BICC1: variants seen among roughly 807,000 people sequenced by gnomAD.
The protein encoded by BICC1 is BicC family RNA binding protein 1.
Under a neutral mutation model 111.0 loss-of-function variants are expected in BICC1, and 43 were observed. That is an observed-to-expected ratio of 0.39 (90% CI 0.30 to 0.50). The LOEUF is 0.50. Among genes scored for constraint, BICC1 ranks in the 20% least tolerant of loss-of-function variants. The pLI is 0.88. For synonymous variants in BICC1, 467 were observed against 434.4 expected (o/e 1.07, Z -0.93); for missense variants, 1,091 against 1,203.2 (o/e 0.91, Z 1.38).
At chr10:58,553,133 G>A (rs559330536) in intron 1 of BICC1, among the ~76,000 whole-genome samples, 1 of 152,090 alleles carries the variant, frequency 6.6e-6, no homozygotes, top group African/African-American at 2.4e-5. Flanking sequence ...AGATGTAGTG[G>A]TGGAGAGAAG....
intron 3 of BICC1, among the ~76,000 whole-genome samples, chr10:58,772,404 A>T (rs1021566031): frequency 3.3e-5 from 5 of 152,138 alleles, no homozygotes; most frequent in African/African-American, 1.2e-4. Flanking sequence ...GGAAGTAATG[A>T]TTATCTCAAA....
chr10:58,649,235 C>T (rs971206339), intron 2 of BICC1, among the ~76,000 whole-genome samples: 15 of 152,148 alleles, frequency 9.9e-5, no homozygotes, highest in African/African-American at 3.6e-4. Flanking sequence ...GAGTTTCTTT[C>T]CCTGGTTGCA....
rs528043440 is a variant in BICC1, at chr10:58,627,626, G to A, written c.237+6725G>A. On this transcript the variant is annotated intron_variant, in intron 2 of 20. Transcript: ENST00000373886. ...GTCAGAAGCAACTTTTGAAGAGGGT[G>A]GCATTAGCTGTTTGTGAGGAAGGAG... Among the ~76,000 whole-genome samples the A allele has an allele frequency of 6.0e-4, 91 of 152,120 alleles. No homozygotes were observed. In the South Asian group the frequency reaches 0.018, roughly 30 times the overall value.
chr10:58,565,510 T>C (rs1382438498), intron 1 of BICC1, among the ~76,000 whole-genome samples: 1 of 152,174 alleles, frequency 6.6e-6, no homozygotes, highest in Admixed American at 6.5e-5. Context: ...GAGCAGACCA[T>C]CTCTCATCCT....
At chr10:58,554,378 T>G (rs1183020682) in intron 1 of BICC1, among the ~76,000 whole-genome samples, 1 of 152,148 alleles carries the variant, frequency 6.6e-6, no homozygotes, top group Non-Finnish European at 1.5e-5. Context: ...ATGGGAGAAT[T>G]TCAGGCTTTT....
intron 20 of BICC1, 95 bp downstream of exon 20, chr10:58,820,563 T>A (rs1844224324): frequency 1.2e-6 from 1 of 835,136 alleles, no homozygotes; most frequent in Non-Finnish European, 2.0e-6. Flanking sequence ...ACTGCTGGCT[T>A]ACTAACCTAA....
chr10:58,633,977 C>CTTTTTTTTTTCTTTTT (rs1837873528), intron 2 of BICC1, among the ~76,000 whole-genome samples: 1 of 138,170 alleles, frequency 7.2e-6, no homozygotes, highest in East Asian at 2.1e-4. Context: ...TTTTCTTTTT[C>CTTTTTTTTTTCTTTTT]TTTTTTTTTT....
At chr10:58,678,088 A>G (rs896597772) in intron 2 of BICC1, among the ~76,000 whole-genome samples, 3 of 152,228 alleles carry the variant, frequency 2.0e-5, no homozygotes, top group African/African-American at 7.2e-5. Context: ...CTGCAAAAAC[A>G]TACCAAATTA....
intron 2 of BICC1, among the ~76,000 whole-genome samples, chr10:58,653,848 C>T (rs1459631298): frequency 7.6e-6 from 1 of 131,176 alleles, no homozygotes; most frequent in Non-Finnish European, 1.6e-5. Flanking sequence ...CACCCCACCA[C>T]AGTCCTCAGA....
chr10:58,529,868 C>T (rs1306571466), intron 1 of BICC1, among the ~76,000 whole-genome samples: 1 of 151,680 alleles, frequency 6.6e-6, no homozygotes, highest in Non-Finnish European at 1.5e-5. Flanking sequence ...TTGACCAAGT[C>T]TAAAAACTGG....
chr10:58,777,361 T>C (rs1480514213), intron 3 of BICC1, among the ~76,000 whole-genome samples: 2 of 152,132 alleles, frequency 1.3e-5, no homozygotes, highest in African/African-American at 4.8e-5. Flanking sequence ...CCAGCATCCT[T>C]GTATTTTAAA....
chr10:58,771,057 G>T (rs534805394), intron 3 of BICC1, among the ~76,000 whole-genome samples: 4 of 152,072 alleles, frequency 2.6e-5, no homozygotes, highest in Non-Finnish European at 5.9e-5. Context: ...TATTTCTATG[G>T]ACACCTACTT....
intron 1 of BICC1, among the ~76,000 whole-genome samples, chr10:58,542,142 C>T (rs1366348371): frequency 2.2e-5 from 3 of 134,174 alleles, no homozygotes; most frequent in Non-Finnish European, 4.7e-5. Context: ...CAGAGCAAGA[C>T]CCTGTCTCAA....
At chr10:58,754,837 GAGGA>G (rs1187781230) in intron 3 of BICC1, among the ~76,000 whole-genome samples, 1 of 152,066 alleles carries the variant, frequency 6.6e-6, no homozygotes, top group African/African-American at 2.4e-5. Flanking sequence ...TGAGAAGACA[GAGGA>G]AGGCTGAGAA....
In BICC1 at chr10:58,828,923, A is replaced by T. The variant is rs779127219; in HGVS notation, c.*32A>T. On this transcript the variant is annotated 3_prime_UTR_variant, in exon 21 of 21. Transcript: ENST00000373886. ...CCTCTTGGCACATGCCCGCTGACTAACTGTAAAGTGGACACAGGAGATGTA... is the reference window on the plus strand; with the variant it reads ...CCTCTTGGCACATGCCCGCTGACTATCTGTAAAGTGGACACAGGAGATGTA... The T allele has an allele frequency of 5.6e-5, 90 of 1,612,232 alleles. No individual in the cohort carries two copies. Among genetic ancestry groups the T allele is most frequent in the Non-Finnish European group, 7.0e-5 (82 of 1,179,092 alleles).
intron 3 of BICC1, among the ~76,000 whole-genome samples, chr10:58,780,500 T>C (rs536384235): frequency 5.2e-4 from 79 of 152,306 alleles, no homozygotes; most frequent in African/African-American, 1.8e-3. Flanking sequence ...AGATTTTTGA[T>C]GAAAGATTGG....
At chr10:58,682,993 T>A (rs1254476920) in intron 2 of BICC1, among the ~76,000 whole-genome samples, 1 of 152,236 alleles carries the variant, frequency 6.6e-6, no homozygotes, top group East Asian at 1.9e-4. Flanking sequence ...CTAGGTTTTC[T>A]TCTAGGGTTT....
At chr10:58,667,731 C>CT (rs1373154650) in intron 2 of BICC1, among the ~76,000 whole-genome samples, 1 of 152,026 alleles carries the variant, frequency 6.6e-6, no homozygotes, top group Non-Finnish European at 1.5e-5. Flanking sequence ...TCACTTGAGT[C>CT]TATTTATTTT....
chr10:58,605,489 A>T (rs1051063162), intron 1 of BICC1, among the ~76,000 whole-genome samples: 2 of 152,218 alleles, frequency 1.3e-5, no homozygotes, highest in East Asian at 3.8e-4. Context: ...TAGCTTAATC[A>T]ATATTCAGTG....
Sources: allele counts gnomAD v4.1 joint callset (sites outside exome capture counted in the v4.1 genomes callset), GRCh38; gene constraint gnomAD v4.1.1; transcripts MANE v1.5; gene names NCBI Gene and HGNC (gene_info 2026-07-23, HGNC 2026-07-21).